The following BCAS3 variants were observed in gnomAD, a reference collection of about 807,000 sequenced individuals.
The protein encoded by BCAS3 is BCAS4/BCAS3 fusion.
BCAS3 carries 53 observed loss-of-function variants against 116.1 expected under a neutral mutation model. The observed-to-expected ratio is 0.46, with a 90% CI of 0.37 to 0.57. The LOEUF (loss-of-function observed/expected upper bound fraction) is 0.57, where lower values mean the gene tolerates loss of function less well. Among genes scored for constraint, BCAS3 ranks in the 20% least tolerant of loss-of-function variants. The probability of loss-of-function intolerance (pLI) is 0.00; values close to 1 mark genes in which losing one functional copy is unlikely to be tolerated. For missense variants in BCAS3, 917 were observed against 1,165.4 expected, an observed-to-expected ratio of 0.79 and a Z score of 3.10; for synonymous variants, 391 against 408.2, an observed-to-expected ratio of 0.96 and a Z score of 0.51.
rs1390262457 is a variant in BCAS3 at position 61,224,083 on chromosome 17, G to C, written c.2425+139519G>C. Among the ~76,000 whole-genome samples the C allele has an allele frequency of 1.3e-5, 2 of 152,164 alleles. No individual in the cohort carries two copies. Among genetic ancestry groups the C allele is most frequent in the East Asian group, 3.9e-4 (2 of 5,194 alleles). ...AAAAGCATTTGCTTTCTATCAATTT[G>C]ATAGTCCCATCTTTTCTCCTATATT... On this transcript the variant is annotated intron_variant, in intron 22 of 23. Coordinates refer to ENST00000407086, the MANE Select transcript of BCAS3 (RefSeq NM_017679.5). This position sits in a 1 kb window ranked among gnomAD's most constrained non-coding sequence, Gnocchi z 5.7.
Position 60,940,980 on chromosome 17 carries a change from G to T in BCAS3, c.1088-6239G>T, listed in dbSNP as rs186487019. On this transcript the variant is annotated intron_variant, in intron 13 of 23. Coordinates refer to ENST00000407086, the MANE Select transcript of BCAS3 (RefSeq NM_017679.5). ...TTGCTTTTTGGGTTAACCAGCTGAC[G>T]CCCAGTTGAAAAGACTTATGTTCGT... 2.0e-5 allele frequency among the ~76,000 whole-genome samples: 3 copies of T among 152,266 alleles called. No individual in the cohort carries two copies. The East Asian group carries it at 5.8e-4, about 29-fold the overall frequency.
chr17:60,904,841 T>A (rs2058102903), intron 11 of BCAS3, among the ~76,000 whole-genome samples: 1 of 152,168 alleles, frequency 6.6e-6, no homozygotes, highest in Non-Finnish European at 1.5e-5. Context: ...GGGTTATTTT[T>A]AAAAAACTCA....
At chr17:60,683,397 G>A (rs912505630) in intron 2 of BCAS3, among the ~76,000 whole-genome samples, 7 of 148,282 alleles carry the variant, frequency 4.7e-5, no homozygotes, top group African/African-American at 1.7e-4. Context: ...CTTTTAAAAA[G>A]AGATAATGTT....
At chr17:60,966,194 T>A (rs1317101654) in intron 14 of BCAS3, among the ~76,000 whole-genome samples, 1 of 152,240 alleles carries the variant, frequency 6.6e-6, no homozygotes, top group Non-Finnish European at 1.5e-5. Flanking sequence ...TTCTCACCCC[T>A]TCACTTTCAG....
chr17:61,164,108 T>C (rs8074363), intron 22 of BCAS3, among the ~76,000 whole-genome samples: 101,552 of 141,830 alleles, frequency 0.72, 37,307 homozygotes, highest in South Asian at 0.88. Flanking sequence ...TTTTTTTTTT[T>C]TTTTTTGGAA....
At chr17:61,123,900 A>G (rs943269998) in intron 22 of BCAS3, among the ~76,000 whole-genome samples, 31 of 152,324 alleles carry the variant, frequency 2.0e-4, no homozygotes, top group African/African-American at 6.7e-4. Context: ...GAGAAGAATG[A>G]CCACTAATCA....
intron 22 of BCAS3, among the ~76,000 whole-genome samples, chr17:61,359,224 G>C (rs1451336992): frequency 6.6e-6 from 1 of 152,160 alleles, no homozygotes; most frequent in African/African-American, 2.4e-5. Context: ...CCCCAAAGAA[G>C]AGCTGCTTAC....
chr17:61,037,869 T>C lies in BCAS3; in HGVS notation c.1763-20T>C, dbSNP rs1156460207. 6.2e-7 allele frequency: 1 copy of C among 1,609,048 alleles called. No individual in the cohort carries two copies. Among genetic ancestry groups the C allele is most frequent in the Non-Finnish European group, 8.5e-7 (1 of 1,176,642 alleles). ...ATTTATGCCATCATAACACATCGGG[T>C]TCTGTTTCTCTGTTTGTAGATCAGT... On this transcript the variant is annotated intron_variant, in intron 17 of 23. Transcript: ENST00000407086. This position sits in a 1 kb window ranked among gnomAD's most constrained non-coding sequence, Gnocchi z 4.7.
chr17:61,131,198 A>G lies in BCAS3; in HGVS notation c.2425+46634A>G, dbSNP rs1382550501. On this transcript the variant is annotated intron_variant, in intron 22 of 23. Transcript: ENST00000407086. This position sits in a 1 kb window ranked among gnomAD's most constrained non-coding sequence, Gnocchi z 4.4. ...GAGTTTCAAAATGAAAAAAAATACT[A>G]TGTGTTTGTAATTTTATGATTATAA... 1.3e-5 allele frequency among the ~76,000 whole-genome samples: 2 copies of G among 152,208 alleles called. No homozygotes were observed. The highest frequency in any genetic ancestry group is 6.5e-5 in the Admixed American group (1 of 15,286).
intron 18 of BCAS3, 135 bp downstream of exon 18, chr17:61,038,189 T>C: frequency 1.4e-6 from 1 of 737,252 alleles, no homozygotes; most frequent in Non-Finnish European, 2.1e-6. Flanking sequence ...AACAAATACA[T>C]CACTCTCAAA....
chr17:61,304,597 G>A (rs937796297), intron 22 of BCAS3, among the ~76,000 whole-genome samples: 2 of 152,138 alleles, frequency 1.3e-5, no homozygotes, highest in African/African-American at 2.4e-5. Flanking sequence ...GAAGGAGGGA[G>A]GAAAGAGGAA....
rs1472638669 is a variant in BCAS3 at position 61,352,460 on chromosome 17, G to C, written c.2426-15867G>C. On this transcript the variant is annotated intron_variant, in intron 22 of 23. Transcript: ENST00000407086. The surrounding 1 kb of genome is among the most constrained non-coding windows in gnomAD (Gnocchi z 4.7). ...TTTCTTCCACAAGGAAGGGGTGAGA[G>C]GAGGCTCTACTGGCCTTTTTGAACT... Among the ~76,000 whole-genome samples the C allele has an allele frequency of 1.3e-5, 2 of 152,162 alleles. No individual in the cohort carries two copies. The highest frequency in any genetic ancestry group is 4.8e-5 in the African/African-American group (2 of 41,442).
At chr17:61,157,085 G>T (rs571139984) in intron 22 of BCAS3, among the ~76,000 whole-genome samples, 4 of 152,096 alleles carry the variant, frequency 2.6e-5, no homozygotes, top group African/African-American at 9.7e-5. Flanking sequence ...TGTTTGGGAT[G>T]GATTAATTTT....
At chr17:61,009,472 C>G (rs927578231) in intron 15 of BCAS3, among the ~76,000 whole-genome samples, 1 of 152,002 alleles carries the variant, frequency 6.6e-6, no homozygotes, top group African/African-American at 2.4e-5. Context: ...TTCTCTCTCT[C>G]TCTGGTATGA....
intron 5 of BCAS3, among the ~76,000 whole-genome samples, chr17:60,722,841 G>C (rs188096425): frequency 6.6e-6 from 1 of 152,066 alleles, no homozygotes; most frequent in Non-Finnish European, 1.5e-5. Context: ...GAGGTGGGAG[G>C]ATCCTTTGAG....
In BCAS3 at chr17:60,960,061, C is replaced by T. The variant is rs979377783; in HGVS notation, c.1221+12709C>T. 3.3e-5 allele frequency among the ~76,000 whole-genome samples: 5 copies of T among 152,112 alleles called. No homozygotes were observed. Among genetic ancestry groups the T allele is most frequent in the Non-Finnish European group, 7.3e-5 (5 of 68,028 alleles). On this transcript the variant is annotated intron_variant, in intron 14 of 23. Coordinates refer to ENST00000407086, the MANE Select transcript of BCAS3 (RefSeq NM_017679.5). The surrounding 1 kb of genome is among the most constrained non-coding windows in gnomAD (Gnocchi z 4.1). Reference sequence around the variant, plus strand: ...TCTCTTAGGATTTATAACCTAATCACTTATTTTGCCAAAGAGTAACTCTTT... The same window carrying T: ...TCTCTTAGGATTTATAACCTAATCATTTATTTTGCCAAAGAGTAACTCTTT...
At chr17:60,890,364 G>C (rs1245148611) in intron 10 of BCAS3, among the ~76,000 whole-genome samples, 2 of 152,112 alleles carry the variant, frequency 1.3e-5, no homozygotes, top group African/African-American at 4.8e-5. Context: ...TGAGGCAGGA[G>C]AATTGCTTGA....
At position 60,808,220 on chromosome 17, in the gene BCAS3, G is replaced by T. The variant is rs914660656; in HGVS notation, c.476+144G>T. 59 of 590,118 alleles carry T rather than the reference G, an allele frequency of 1.0e-4. 1 individual carries two copies. Among genetic ancestry groups the T allele is most frequent in the African/African-American group, 8.7e-4 (46 of 53,080 alleles). The allele number at this position is 590,118 out of a possible 1,614,324, so 36.6% of individuals were successfully genotyped here. A position where few individuals can be genotyped will look rare whatever the true frequency, so the allele number is the denominator to read the frequency against. On this transcript the variant is annotated intron_variant, in intron 7 of 23. Transcript: ENST00000407086. The stretch of plus-strand genomic sequence containing the variant: ...GAAGAAGAAAGTAAAACATATTTAG[G>T]GTTTCCAACAGTAAATGACATTTAT...
rs552874529 is a variant in BCAS3 at position 61,203,642 on chromosome 17, G to A, written c.2425+119078G>A. The stretch of plus-strand genomic sequence containing the variant: ...AAAAACACTTGATATTTTTAAATTC[G>A]TGGAAACTTTGAGCTACATATTTTG... On this transcript the variant is annotated intron_variant, in intron 22 of 23. Coordinates refer to ENST00000407086, the MANE Select transcript of BCAS3 (RefSeq NM_017679.5). The surrounding 1 kb of genome is among the most constrained non-coding windows in gnomAD (Gnocchi z 5.7). 1.6e-4 allele frequency among the ~76,000 whole-genome samples: 25 copies of A among 152,132 alleles called. No individual in the cohort carries two copies. Among genetic ancestry groups the A allele is most frequent in the East Asian group, 1.9e-4 (1 of 5,200 alleles).
Sources: gnomAD v4.1 joint callset for allele counts (sites outside exome capture counted in the v4.1 genomes callset) on GRCh38, gnomAD v4.1.1 for gene constraint, Gnocchi (gnomAD v3.1) non-coding constraint, MANE v1.5 for transcripts, NCBI Gene and HGNC (gene_info 2026-07-23, HGNC 2026-07-21) for gene names.